The following HPSE2 variants were observed in gnomAD, a reference collection of about 807,000 sequenced individuals.
HPSE2 encodes the protein inactive heparanase-2.
In HPSE2, 38 loss-of-function variants were observed where a neutral mutation model predicts 60.5. That is an observed-to-expected ratio of 0.63 (90% CI 0.48 to 0.82). The LOEUF is 0.82. Among genes scored for constraint, HPSE2 ranks in the 40% least tolerant of loss-of-function variants. HPSE2 has a pLI of 0.00. For synonymous variants in HPSE2, 295 were observed against 293.2 expected (o/e 1.01, Z -0.06); for missense variants, 713 against 740.4 (o/e 0.96, Z 0.43).
intron 3 of HPSE2, among the ~76,000 whole-genome samples, chr10:98,843,042 T>A (rs1186588960): frequency 1.3e-5 from 2 of 152,196 alleles, no homozygotes; most frequent in South Asian, 2.1e-4. Context: ...CTTATTTTTT[T>A]AATTTAACTT....
At chr10:98,983,167 A>G (rs942651047) in intron 3 of HPSE2, among the ~76,000 whole-genome samples, 1 of 152,196 alleles carries the variant, frequency 6.6e-6, no homozygotes, top group Non-Finnish European at 1.5e-5. Context: ...ATTCAAGCAC[A>G]TTACATTTAT....
intron 3 of HPSE2, among the ~76,000 whole-genome samples, chr10:99,065,134 G>A (rs767294802): frequency 2.0e-5 from 3 of 151,870 alleles, no homozygotes; most frequent in Non-Finnish European, 4.4e-5. Flanking sequence ...ATTTCTCTCT[G>A]GTACAAGACC....
Position 98,459,698 on chromosome 10 carries a change from T to C in HPSE2, c.1655A>G (p.Asp552Gly). 1.2e-6 allele frequency: 2 copies of C among 1,613,976 alleles called. No individual in the cohort carries two copies. Among genetic ancestry groups the C allele is most frequent in the Non-Finnish European group, 1.7e-6 (2 of 1,179,984 alleles). ...GGGCTTCAATTCTGGGAGGGTCCCG[T>C]CGTCCACCATCACTAAGGGCTGGCC... is the stretch of plus-strand genomic sequence containing the variant. The part of the protein sequence containing the change: ...LNGQPLVMVD[D>G]GTLPELKPRP... The change falls in exon 12 of 12, where the codon GAC becomes GGC. Residue 552 changes from aspartate to glycine, a missense_variant. Transcript: ENST00000370552.
intron 3 of HPSE2, among the ~76,000 whole-genome samples, chr10:98,871,772 A>T (rs1169096461): frequency 6.6e-6 from 1 of 152,024 alleles, no homozygotes; most frequent in Admixed American, 6.6e-5. Flanking sequence ...AAGCAGGTAA[A>T]AATGTTGCCT....
intron 3 of HPSE2, among the ~76,000 whole-genome samples, chr10:98,839,716 G>GAGTTCTC (rs1951867638): frequency 6.6e-6 from 1 of 152,170 alleles, no homozygotes; most frequent in Non-Finnish European, 1.5e-5. Flanking sequence ...TTGACCTCCT[G>GAGTTCTC]AGTTCTCAGA....
intron 9 of HPSE2, among the ~76,000 whole-genome samples, chr10:98,565,958 C>G (rs1180520338): frequency 1.3e-5 from 2 of 152,114 alleles, no homozygotes; most frequent in African/African-American, 4.8e-5. Flanking sequence ...AGGATCTTCC[C>G]AAAGAAGAAG....
At chr10:98,535,736 CA>C (rs1943262888) in intron 9 of HPSE2, among the ~76,000 whole-genome samples, 2 of 152,156 alleles carry the variant, frequency 1.3e-5, no homozygotes, top group Admixed American at 1.3e-4. Flanking sequence ...GATATAATTT[CA>C]TAATACAACC....
chr10:98,613,439 ATT>A (rs1200653053), intron 9 of HPSE2, among the ~76,000 whole-genome samples: 1 of 152,182 alleles, frequency 6.6e-6, no homozygotes, highest in African/African-American at 2.4e-5. Context: ...TTGTGATTTA[ATT>A]GTACTTTTGG....
intron 3 of HPSE2, among the ~76,000 whole-genome samples, chr10:98,985,079 C>A (rs530359466): frequency 6.6e-6 from 1 of 152,286 alleles, no homozygotes; most frequent in Non-Finnish European, 1.5e-5. Flanking sequence ...AGGATATTAT[C>A]CAGGAGAATT....
intron 2 of HPSE2, among the ~76,000 whole-genome samples, chr10:99,172,667 C>T (rs1203418426): frequency 6.6e-6 from 1 of 152,116 alleles, no homozygotes; most frequent in African/African-American, 2.4e-5. Context: ...CACCTGAGGT[C>T]AGAAGTTCCA....
At position 99,214,571 on chromosome 10, in the gene HPSE2, TAAAG is replaced by T. The variant is rs200765457; in HGVS notation, c.448+17773_448+17776del. ...ATTAACTTTGAAAACTTTGTTAACT[TAAAG>T]AAGACAGTCACACAAATGGGATCTA... On this transcript the variant is annotated intron_variant, in intron 2 of 11. Coordinates refer to ENST00000370552, the MANE Select transcript of HPSE2 (RefSeq NM_021828.5). Among the ~76,000 whole-genome samples, 1,504 of 152,194 alleles carry T rather than the reference TAAAG, an allele frequency of 9.9e-3. 15 individuals carry two copies. The highest frequency in any genetic ancestry group is 0.034 in the Admixed American group (524 of 15,258).
At chr10:98,657,961 A>G (rs1947120395) in intron 6 of HPSE2, among the ~76,000 whole-genome samples, 1 of 152,224 alleles carries the variant, frequency 6.6e-6, no homozygotes, top group Non-Finnish European at 1.5e-5. Context: ...TACTTCGCAG[A>G]TAACAAACTT....
chr10:98,919,098 T>C (rs1954208356), intron 3 of HPSE2, among the ~76,000 whole-genome samples: 1 of 151,982 alleles, frequency 6.6e-6, no homozygotes, highest in South Asian at 2.1e-4. Context: ...AATAGTAATA[T>C]AAAAGATAAA....
chr10:98,804,489 T>C (rs1054669616), intron 3 of HPSE2, among the ~76,000 whole-genome samples: 2 of 152,078 alleles, frequency 1.3e-5, no homozygotes, highest in Non-Finnish European at 2.9e-5. Flanking sequence ...TAGGCATTTC[T>C]GAAAATAAGA....
At chr10:99,058,040 A>C (rs1958153373) in intron 3 of HPSE2, among the ~76,000 whole-genome samples, 1 of 152,210 alleles carries the variant, frequency 6.6e-6, no homozygotes, top group African/African-American at 2.4e-5. Flanking sequence ...AATGATAAAA[A>C]CTGTAAAGGA....
intron 3 of HPSE2, among the ~76,000 whole-genome samples, chr10:98,993,163 T>C (rs1033163213): frequency 1.3e-5 from 2 of 152,186 alleles, no homozygotes; most frequent in African/African-American, 2.4e-5. Flanking sequence ...ACAAGGAACA[T>C]AGAGCAGGGA....
chr10:98,847,423 A>G (rs1260451213), intron 3 of HPSE2, among the ~76,000 whole-genome samples: 1 of 152,238 alleles, frequency 6.6e-6, no homozygotes, highest in East Asian at 1.9e-4. Flanking sequence ...TAGAGAGGTT[A>G]CACAGGTAAT....
At chr10:99,199,183 A>G (rs1230172218) in intron 2 of HPSE2, among the ~76,000 whole-genome samples, 1 of 152,102 alleles carries the variant, frequency 6.6e-6, no homozygotes, top group African/African-American at 2.4e-5. Context: ...TTTTAATTTC[A>G]ATTCTCTTGG....
intron 3 of HPSE2, among the ~76,000 whole-genome samples, chr10:99,112,610 A>G (rs939919553): frequency 3.3e-5 from 5 of 152,152 alleles, no homozygotes; most frequent in Admixed American, 6.5e-5. Flanking sequence ...TTTCAAATGA[A>G]GATAAAGTTA....
Sources: gnomAD v4.1 joint callset for allele counts (sites outside exome capture counted in the v4.1 genomes callset) on GRCh38, gnomAD v4.1.1 for gene constraint, MANE v1.5 for transcripts, NCBI Gene and HGNC (gene_info 2026-07-23, HGNC 2026-07-21) for gene names.